LY96: variants seen among roughly 807,000 people sequenced by gnomAD.
The protein encoded by LY96 is lymphocyte antigen 96.
LY96 carries 18 observed loss-of-function variants against 18.9 expected under a neutral mutation model. The observed-to-expected ratio is 0.95, with a 90% CI of 0.66 to 1.41. The LOEUF (loss-of-function observed/expected upper bound fraction) is 1.41, where lower values mean the gene tolerates loss of function less well. Ranked by LOEUF, LY96 falls within the 40% of genes most tolerant of loss-of-function variation. The pLI, the probability that LY96 is intolerant of heterozygous loss-of-function variation, is 0.00. For synonymous variants in LY96, 66 were observed against 62.6 expected (o/e 1.06, Z -0.26); for missense variants, 175 against 182.4 (o/e 0.96, Z 0.23).
At position 74,009,870 on chromosome 8, in the gene LY96, G is replaced by A. The variant is rs968019493; in HGVS notation, c.203-131G>A. On this transcript the variant is annotated intron_variant, in intron 2 of 4. Coordinates refer to ENST00000284818, the MANE Select transcript of LY96 (RefSeq NM_015364.5). ...GAAGAGTAATAATTGACATCTTGTA[G>A]ATAGTTGTGATGATTAAATGAAATA... The A allele has an allele frequency of 7.2e-6, 5 of 689,846 alleles. No individual in the cohort carries two copies. The East Asian group carries it at 1.4e-4, about 20-fold the overall frequency. The allele number at this position is 689,846 out of a possible 1,614,324, so 42.7% of individuals were successfully genotyped here.
At chr8:74,011,301 A>G (rs1280189174) in intron 3 of LY96, among the ~76,000 whole-genome samples, 1 of 152,250 alleles carries the variant, frequency 6.6e-6, no homozygotes, top group African/African-American at 2.4e-5. Context: ...CCTAGGAAAG[A>G]TTCTTCTGGA....
At chr8:74,061,665 A>G in the LY96 span, among the ~76,000 whole-genome samples, 119 of 152,340 alleles carry the variant, frequency 7.8e-4, no homozygotes, top group African/African-American at 2.6e-3. Flanking sequence ...TTTCAAAAAA[A>G]GAGGTTATAG....
intron 1 of LY96, among the ~76,000 whole-genome samples, chr8:73,993,127 C>T (rs190068520): frequency 6.6e-6 from 1 of 151,684 alleles, no homozygotes; most frequent in Non-Finnish European, 1.5e-5. Context: ...TCCCAAAGTG[C>T]TGGGATTACA....
chr8:74,065,712 A>G, the LY96 span, among the ~76,000 whole-genome samples: 1 of 152,242 alleles, frequency 6.6e-6, no homozygotes, highest in Non-Finnish European at 1.5e-5. Context: ...CTGAGATGAT[A>G]AAGACAGAGT....
At chr8:74,072,113 G>C in the LY96 span, among the ~76,000 whole-genome samples, 1 of 151,982 alleles carries the variant, frequency 6.6e-6, no homozygotes, top group East Asian at 1.9e-4. Flanking sequence ...TTCCAAAGTG[G>C]TTGTACCAGT....
the LY96 span, among the ~76,000 whole-genome samples, chr8:74,081,046 C>CTTTCTTT: frequency 1.2e-5 from 1 of 86,906 alleles, no homozygotes; most frequent in African/African-American, 4.8e-5. Context: ...TTCTTTCTTT[C>CTTTCTTT]TTTTTCTTTC....
the LY96 span, among the ~76,000 whole-genome samples, chr8:74,052,180 G>A: frequency 6.6e-6 from 1 of 152,194 alleles, no homozygotes; most frequent in South Asian, 2.1e-4. Flanking sequence ...GAAGGGGACT[G>A]TGTATGTCAC....
At chr8:74,073,904 T>G in the LY96 span, among the ~76,000 whole-genome samples, 5 of 152,082 alleles carry the variant, frequency 3.3e-5, no homozygotes, top group African/African-American at 9.7e-5. Context: ...GTGATCTGCC[T>G]GCCTCAGCCT....
At chr8:74,063,266 A>C in the LY96 span, among the ~76,000 whole-genome samples, 1 of 152,242 alleles carries the variant, frequency 6.6e-6, no homozygotes, top group East Asian at 1.9e-4. Context: ...ATGATCCCTT[A>C]TATGACTTAT....
the LY96 span, among the ~76,000 whole-genome samples, chr8:74,066,808 AT>A: frequency 2.0e-5 from 3 of 152,216 alleles, no homozygotes; most frequent in Admixed American, 2.0e-4. Context: ...ACAGAGGGAG[AT>A]TCTCCAAAGA....
the LY96 span, among the ~76,000 whole-genome samples, chr8:74,054,922 T>G: frequency 6.6e-6 from 1 of 151,976 alleles, no homozygotes; most frequent in South Asian, 2.1e-4. Context: ...ATAAAAAATT[T>G]TTGATGCAGG....
At position 73,993,720 on chromosome 8, in the gene LY96, G is replaced by A. The variant is rs550422193; in HGVS notation, c.112+2166G>A. On this transcript the variant is annotated intron_variant, in intron 1 of 4. Transcript: ENST00000284818. ...GGCCTCCCAAAGTGTTGGGATTACA[G>A]GCGTGAGCCACCGCAGCTGGCCTAA... Among the ~76,000 whole-genome samples the A allele has an allele frequency of 3.8e-4, 58 of 152,288 alleles. 1 individual carries two copies. The South Asian group carries it at 0.012, about 31-fold the overall frequency.
chr8:74,019,213 C>T (rs544586010), intron 3 of LY96, among the ~76,000 whole-genome samples: 24 of 152,010 alleles, frequency 1.6e-4, no homozygotes, highest in East Asian at 9.7e-4. Flanking sequence ...ATCAAATAGA[C>T]GCAATAAAAA....
chr8:74,016,075 A>G (rs1190705623), intron 3 of LY96, among the ~76,000 whole-genome samples: 1 of 152,238 alleles, frequency 6.6e-6, no homozygotes, highest in Non-Finnish European at 1.5e-5. Flanking sequence ...TCACCCAGGA[A>G]GTGCAAGGGG....
chr8:74,070,976 T>C, the LY96 span, among the ~76,000 whole-genome samples: 12,733 of 152,256 alleles, frequency 0.084, 925 homozygotes, highest in African/African-American at 0.2. Flanking sequence ...TTTTACTACA[T>C]AATTAAAGCA....
intron 1 of LY96, 28 bp downstream of exon 1, chr8:73,991,582 GTAGC>G: frequency 3.8e-6 from 5 of 1,303,354 alleles, no homozygotes; most frequent in Non-Finnish European, 5.6e-6. Flanking sequence ...ACAAATAATT[GTAGC>G]ATCAACTATT....
At chr8:74,089,826 C>T in the LY96 span, among the ~76,000 whole-genome samples, 15 of 152,040 alleles carry the variant, frequency 9.9e-5, no homozygotes, top group Admixed American at 2.0e-4. Context: ...AAGGGCCTCA[C>T]GAATCATGTG....
chr8:74,060,634 C>T, the LY96 span, among the ~76,000 whole-genome samples: 11 of 152,156 alleles, frequency 7.2e-5, no homozygotes, highest in Admixed American at 6.5e-4. Flanking sequence ...CCTCCTTGAC[C>T]CTTGCGTACT....
chr8:74,095,578 T>A, the LY96 span, among the ~76,000 whole-genome samples: 1 of 152,202 alleles, frequency 6.6e-6, no homozygotes, highest in African/African-American at 2.4e-5. Flanking sequence ...TCAGTCTTCA[T>A]CCCATCTCAC....
Sources: allele counts gnomAD v4.1 joint callset (sites outside exome capture counted in the v4.1 genomes callset), GRCh38; gene constraint gnomAD v4.1.1; transcripts MANE v1.5; gene names NCBI Gene and HGNC (gene_info 2026-07-23, HGNC 2026-07-21).